CILK1: variants seen among roughly 807,000 people sequenced by gnomAD.
The protein encoded by CILK1 is serine/threonine-protein kinase ICK.
In CILK1, 47 loss-of-function variants were observed where a neutral mutation model predicts 79.2. That is an observed-to-expected ratio of 0.59 (90% CI 0.47 to 0.76). The LOEUF (loss-of-function observed/expected upper bound fraction) is 0.76. CILK1 is among the 30% of genes least tolerant of loss of function. The pLI is 0.00. For synonymous variants in CILK1, 266 were observed against 275.9 expected, an observed-to-expected ratio of 0.96 and a Z score of 0.36; for missense variants, 660 against 769.5, an observed-to-expected ratio of 0.86 and a Z score of 1.68.
At chr6:53,040,601 A>C (rs1766637978) in intron 2 of CILK1, among the ~76,000 whole-genome samples, 1 of 152,244 alleles carries the variant, frequency 6.6e-6, no homozygotes, top group Non-Finnish European at 1.5e-5. Flanking sequence ...TGAGGCAAAG[A>C]ACTTAGCTAA....
chr6:53,024,386 C>T (rs965558480), intron 5 of CILK1, among the ~76,000 whole-genome samples: 4 of 152,172 alleles, frequency 2.6e-5, no homozygotes, highest in African/African-American at 7.2e-5. Context: ...TGCTTATGAT[C>T]AGCCTAATTA....
intron 7 of CILK1, among the ~76,000 whole-genome samples, chr6:53,017,838 G>A (rs1389905624): frequency 1.3e-5 from 2 of 152,196 alleles, no homozygotes; most frequent in Admixed American, 6.5e-5. Flanking sequence ...CAGCCTCAAG[G>A]TGGGGGCTCT....
At chr6:53,021,467 C>G (rs1765239903) in intron 5 of CILK1, among the ~76,000 whole-genome samples, 1 of 152,320 alleles carries the variant, frequency 6.6e-6, no homozygotes, top group Non-Finnish European at 1.5e-5. Context: ...TAAACACTAT[C>G]TTTCCCTTGT....
At position 53,003,507 on chromosome 6, in the gene CILK1, A is replaced by T. The variant is rs936168371; in HGVS notation, c.*1642T>A. 1.3e-5 allele frequency: 2 copies of T among 152,128 alleles called. No individual in the cohort carries two copies. Among genetic ancestry groups the T allele is most frequent in the African/African-American group, 4.8e-5 (2 of 41,408 alleles). 9.4% of individuals were successfully genotyped at this position (152,128 alleles called of 1,614,324 possible). A position where few individuals can be genotyped will look rare whatever the true frequency, so the allele number is the denominator to read the frequency against. ...GTAATCCCAGTACTTTGGGAGGTGG[A>T]GGAGGGTGGATCACGAGGTCAGGAG... On this transcript the variant is annotated 3_prime_UTR_variant, in exon 14 of 14. Coordinates refer to ENST00000676107, the MANE Select transcript of CILK1 (RefSeq NM_014920.5).
chr6:53,051,914 T>C (rs1767506619), intron 1 of CILK1: 1 of 152,256 alleles, frequency 6.6e-6, no homozygotes, highest in Non-Finnish European at 1.5e-5. Flanking sequence ...TTTTAAAATA[T>C]AGAATGTACT....
At chr6:53,018,638 G>T in intron 6 of CILK1, 137 bp from the exon 7 acceptor site, 1 of 867,016 alleles carries the variant, frequency 1.2e-6, no homozygotes, top group Non-Finnish European at 1.8e-6. Flanking sequence ...GGAATTGTGA[G>T]AACTTGGCAA....
chr6:53,050,552 G>A (rs534366065), intron 1 of CILK1, among the ~76,000 whole-genome samples: 10 of 151,908 alleles, frequency 6.6e-5, no homozygotes, highest in African/African-American at 2.2e-4. Flanking sequence ...TAGGCTGGGC[G>A]TGGTCGCTCA....
chr6:53,023,188 C>T (rs1349849022), intron 5 of CILK1, among the ~76,000 whole-genome samples: 2 of 152,150 alleles, frequency 1.3e-5, no homozygotes, highest in African/African-American at 2.4e-5. Context: ...CCACCTCAGC[C>T]TCCCAAAGTG....
At chr6:53,014,562 GT>G (rs1444067952) in intron 8 of CILK1, among the ~76,000 whole-genome samples, 1 of 152,190 alleles carries the variant, frequency 6.6e-6, no homozygotes, top group Non-Finnish European at 1.5e-5. Context: ...AGTTTAGGGG[GT>G]TACAATTCTT....
chr6:53,033,994 T>A (rs1280300953), intron 3 of CILK1, among the ~76,000 whole-genome samples: 1 of 152,252 alleles, frequency 6.6e-6, no homozygotes, highest in African/African-American at 2.4e-5. Context: ...AGGGGCTGAT[T>A]ACTTCTTTCG....
At chr6:53,038,066 C>T (rs972384862) in intron 2 of CILK1, 73 bp from the exon 3 acceptor site, 21 of 994,816 alleles carry the variant, frequency 2.1e-5, no homozygotes, top group African/African-American at 6.4e-5. Context: ...TAGAAAAATG[C>T]TTCCATTCTG....
intron 1 of CILK1, among the ~76,000 whole-genome samples, chr6:53,052,218 C>CA (rs1767530196): frequency 6.6e-6 from 1 of 152,138 alleles, no homozygotes; most frequent in South Asian, 2.1e-4. Flanking sequence ...CATGTCCCTG[C>CA]AAAGGACATG....
Position 53,002,332 on chromosome 6 carries a change from C to A in CILK1, c.*2817G>T, listed in dbSNP as rs1286832398. On this transcript the variant is annotated 3_prime_UTR_variant, in exon 14 of 14. Transcript: ENST00000676107. ...CACGAAATGAGAACCAACCCTGTAT[C>A]ATTTCCTGACATCCCAGTAAGCTTT... 6.6e-6 allele frequency: 1 copy of A among 152,246 alleles called. No homozygotes were observed. The highest frequency in any genetic ancestry group is 1.9e-4 in the East Asian group (1 of 5,206). The allele number at this position is 152,246 out of a possible 1,614,324, so 9.4% of individuals were successfully genotyped here.
intron 2 of CILK1, 135 bp downstream of exon 2, chr6:53,041,001 T>C (rs1252129550): frequency 5.5e-6 from 4 of 726,468 alleles, no homozygotes; most frequent in Non-Finnish European, 7.6e-6. Context: ...GAGTCAATAA[T>C]CATCTAACCC....
intron 9 of CILK1, among the ~76,000 whole-genome samples, 155 bp from the exon 10 acceptor site, chr6:53,012,382 A>T (rs1275585566): frequency 1.3e-5 from 2 of 152,174 alleles, no homozygotes; most frequent in African/African-American, 4.8e-5. Flanking sequence ...ACACATTCCC[A>T]ATCTTTCTGT....
chr6:53,034,884 G>A (rs1766204709), intron 3 of CILK1, among the ~76,000 whole-genome samples: 1 of 152,158 alleles, frequency 6.6e-6, no homozygotes, highest in Non-Finnish European at 1.5e-5. Context: ...AGTGACACCT[G>A]GATGAGCTTG....
intron 5 of CILK1, among the ~76,000 whole-genome samples, chr6:53,027,101 C>A (rs1370623644): frequency 6.6e-6 from 1 of 152,052 alleles, no homozygotes; most frequent in African/African-American, 2.4e-5. Context: ...TTTAATTTCC[C>A]AGATATTATT....
At chr6:53,058,795 A>T (rs1462438041) in intron 1 of CILK1, among the ~76,000 whole-genome samples, 2 of 152,070 alleles carry the variant, frequency 1.3e-5, no homozygotes, top group African/African-American at 2.4e-5. Flanking sequence ...ACACACACTC[A>T]CATAGATCCC....
At chr6:53,041,110 T>A (rs1236807463) in intron 2 of CILK1, 26 bp downstream of exon 2, 12 of 1,448,198 alleles carry the variant, frequency 8.3e-6, no homozygotes, top group African/African-American at 5.6e-5. Context: ...GTTAAAATTA[T>A]CATGGCAGTG....
Sources: allele counts gnomAD v4.1 joint callset (sites outside exome capture counted in the v4.1 genomes callset), GRCh38; gene constraint gnomAD v4.1.1; transcripts MANE v1.5; gene names NCBI Gene and HGNC (gene_info 2026-07-23, HGNC 2026-07-21).